The following STX18 variants were observed in gnomAD, a reference collection of about 807,000 sequenced individuals.
STX18 encodes the protein syntaxin 18.
A neutral mutation model predicts 50.1 loss-of-function variants in STX18; 40 were observed. The observed-to-expected ratio is 0.80, with a 90% CI of 0.62 to 1.04. STX18 has a LOEUF of 1.04. Among genes scored for constraint, STX18 ranks in the 50% least tolerant of loss-of-function variants. STX18 has a pLI of 0.00. For synonymous variants in STX18, 158 were observed against 151.8 expected, an observed-to-expected ratio of 1.04 and a Z score of -0.30; for missense variants, 410 against 415.8, an observed-to-expected ratio of 0.99 and a Z score of 0.12.
chr4:4,473,639 C>T (rs569195162), intron 1 of STX18, among the ~76,000 whole-genome samples: 4 of 152,216 alleles, frequency 2.6e-5, no homozygotes, highest in East Asian at 3.9e-4. Flanking sequence ...AAGAGATACG[C>T]AAGCAAGGTG....
intron 5 of STX18, among the ~76,000 whole-genome samples, chr4:4,449,731 A>G (rs1444006299): frequency 6.6e-6 from 1 of 152,206 alleles, no homozygotes; most frequent in Non-Finnish European, 1.5e-5. Context: ...AGTAAGTACC[A>G]GGGGGAGCAG....
rs1727483174 is a variant in STX18 at position 4,463,503 on chromosome 4, G to A, written c.237-4016C>T. Among the ~76,000 whole-genome samples, 4 of 152,198 alleles carry A rather than the reference G, an allele frequency of 2.6e-5. No individual in the cohort carries two copies. The South Asian group carries it at 8.3e-4, about 32-fold the overall frequency. On this transcript the variant is annotated intron_variant, in intron 2 of 10. Transcript: ENST00000306200. ...TTCACAGATTCACATGGTTCGTAAG[G>A]AGTGGTGTGAATCAAACCAACACTC...
At chr4:4,495,552 T>G (rs565010563) in intron 1 of STX18, among the ~76,000 whole-genome samples, 2 of 143,644 alleles carry the variant, frequency 1.4e-5, no homozygotes, top group African/African-American at 5.2e-5. Context: ...CTGGCTAATT[T>G]TTTTTCTTTT....
chr4:4,514,021 G>T (rs966161904), intron 1 of STX18, among the ~76,000 whole-genome samples: 3 of 152,138 alleles, frequency 2.0e-5, no homozygotes, highest in African/African-American at 7.2e-5. Context: ...AGCTTCCATT[G>T]CAGGAGAGAA....
At chr4:4,479,272 T>C (rs1217750402) in intron 1 of STX18, among the ~76,000 whole-genome samples, 1 of 152,200 alleles carries the variant, frequency 6.6e-6, no homozygotes, top group Non-Finnish European at 1.5e-5. Flanking sequence ...TAACACATCC[T>C]GTATAAATGG....
Position 4,453,829 on chromosome 4 carries a change from C to G in STX18, c.497+3362G>C, listed in dbSNP as rs1726909709. Among the ~76,000 whole-genome samples the G allele has an allele frequency of 3.3e-5, 5 of 152,212 alleles. No individual in the cohort carries two copies. In the South Asian group the frequency reaches 1.0e-3, roughly 32 times the overall value. The stretch of plus-strand genomic sequence containing the variant: ...CTCAATGAAGCCACCTTCACCACTA[C>G]TCACTCACTGAACAGATATTTACTG... On this transcript the variant is annotated intron_variant, in intron 5 of 10. Coordinates refer to ENST00000306200, the MANE Select transcript of STX18 (RefSeq NM_016930.4).
intron 5 of STX18, among the ~76,000 whole-genome samples, chr4:4,445,661 T>C (rs1226410691): frequency 6.6e-6 from 1 of 151,518 alleles, no homozygotes; most frequent in Non-Finnish European, 1.5e-5. Context: ...TAACAAAATA[T>C]TGCTGAGAAA....
chr4:4,519,943 AAAG>A (rs1268953497), intron 1 of STX18, among the ~76,000 whole-genome samples: 3 of 152,218 alleles, frequency 2.0e-5, no homozygotes, highest in Non-Finnish European at 4.4e-5. Context: ...AATATCTATA[AAAG>A]AATATCATTT....
chr4:4,489,345 TG>T, intron 1 of STX18, among the ~76,000 whole-genome samples: 1 of 148,088 alleles, frequency 6.8e-6, no homozygotes. Flanking sequence ...GTCTTTGGAG[TG>T]AACAAGGCAA....
chr4:4,518,918 GC>G (rs1394778720), intron 1 of STX18, among the ~76,000 whole-genome samples: 2 of 152,084 alleles, frequency 1.3e-5, no homozygotes, highest in African/African-American at 4.8e-5. Flanking sequence ...TTTCTTCTTA[GC>G]CTTTCTCGAA....
chr4:4,467,646 T>C (rs1296491988), intron 2 of STX18, among the ~76,000 whole-genome samples: 1 of 151,082 alleles, frequency 6.6e-6, no homozygotes, highest in East Asian at 1.9e-4. Context: ...CTCATAGGGT[T>C]GATGTGAGGA....
At chr4:4,433,918 G>T (rs1469638671) in intron 7 of STX18, among the ~76,000 whole-genome samples, 2 of 152,200 alleles carry the variant, frequency 1.3e-5, no homozygotes, top group African/African-American at 4.8e-5. Flanking sequence ...TTAACTAGGG[G>T]ACTCTGGGCA....
At chr4:4,481,095 C>T (rs756706883) in intron 1 of STX18, among the ~76,000 whole-genome samples, 1 of 152,198 alleles carries the variant, frequency 6.6e-6, no homozygotes, top group African/African-American at 2.4e-5. Context: ...GCTAGCTGTT[C>T]CTTCGTGGGT....
intron 1 of STX18, among the ~76,000 whole-genome samples, chr4:4,492,427 T>G (rs1728982932): frequency 6.6e-6 from 1 of 152,074 alleles, no homozygotes. Context: ...ACTGAAAACT[T>G]TTCATAAGAA....
At chr4:4,466,619 G>A (rs977152020) in intron 2 of STX18, among the ~76,000 whole-genome samples, 12 of 152,246 alleles carry the variant, frequency 7.9e-5, no homozygotes, top group African/African-American at 2.4e-4. Flanking sequence ...TGGGAGGAGC[G>A]GGCAGCATGC....
chr4:4,493,580 C>A (rs1729040628), intron 1 of STX18, among the ~76,000 whole-genome samples: 1 of 152,150 alleles, frequency 6.6e-6, no homozygotes, highest in African/African-American at 2.4e-5. Flanking sequence ...TCATTGTAGG[C>A]TGCACACTTC....
chr4:4,493,056 G>A (rs952664340), intron 1 of STX18, among the ~76,000 whole-genome samples: 1 of 152,094 alleles, frequency 6.6e-6, no homozygotes, highest in African/African-American at 2.4e-5. Context: ...AAAAGATATT[G>A]CTGATCATGT....
chr4:4,483,851 C>A (rs1289531754), intron 1 of STX18, among the ~76,000 whole-genome samples: 2 of 151,820 alleles, frequency 1.3e-5, no homozygotes, highest in Non-Finnish European at 2.9e-5. Context: ...CATTCCCAAT[C>A]CTCTCAGGAA....
At chr4:4,472,457 G>A (rs769462621) in intron 1 of STX18, among the ~76,000 whole-genome samples, 6 of 152,194 alleles carry the variant, frequency 3.9e-5, no homozygotes, top group Non-Finnish European at 7.3e-5. Context: ...CTCTGACGAC[G>A]TCTTACTCCA....
Sources: allele counts gnomAD v4.1 joint callset (sites outside exome capture counted in the v4.1 genomes callset), GRCh38; gene constraint gnomAD v4.1.1; transcripts MANE v1.5; gene names NCBI Gene and HGNC (gene_info 2026-07-23, HGNC 2026-07-21).